CDS2: variants seen among roughly 807,000 people sequenced by gnomAD.
CDS2 encodes the protein CDP-diacylglycerol synthase 2.
In CDS2, 47 loss-of-function variants were observed where a neutral mutation model predicts 59.0. The ratio of observed to expected loss-of-function variants is 0.80; its 90% CI spans 0.63 to 1.02. CDS2 has a LOEUF of 1.02. Among genes scored for constraint, CDS2 ranks in the 50% least tolerant of loss-of-function variants. CDS2 has a pLI of 0.00. For synonymous variants in CDS2, 207 were observed against 206.4 expected, an observed-to-expected ratio of 1.00 and a Z score of -0.02; for missense variants, 356 against 558.9, an observed-to-expected ratio of 0.64 and a Z score of 3.66.
chr20:5,191,341 T>A lies in CDS2; in HGVS notation c.*1107T>A, dbSNP rs1189647882. ...GAAGATTAAATGCACACTTTTTATATAATGTGACCAGTTTAAATGTAGTTT... is the reference window on the plus strand; with the variant it reads ...GAAGATTAAATGCACACTTTTTATAAAATGTGACCAGTTTAAATGTAGTTT... On this transcript the variant is annotated 3_prime_UTR_variant, in exon 13 of 13. Coordinates refer to ENST00000460006, the MANE Select transcript of CDS2 (RefSeq NM_003818.4). 6.6e-6 allele frequency: 1 copy of A among 152,222 alleles called. No homozygotes were observed. Among genetic ancestry groups the A allele is most frequent in the East Asian group, 1.9e-4 (1 of 5,200 alleles). The allele number at this position is 152,222 out of a possible 1,614,324, so 9.4% of individuals were successfully genotyped here. A position where few individuals can be genotyped will look rare whatever the true frequency, so the allele number is the denominator to read the frequency against.
intron 1 of CDS2, among the ~76,000 whole-genome samples, chr20:5,160,234 GTCTTT>G: frequency 6.6e-6 from 1 of 152,190 alleles, no homozygotes. Flanking sequence ...CTTTGCTTAG[GTCTTT>G]TCTTAGCCCT....
chr20:5,155,480 T>TA (rs1032315793), intron 1 of CDS2, among the ~76,000 whole-genome samples: 8 of 152,146 alleles, frequency 5.3e-5, no homozygotes. Context: ...ATATAACTCA[T>TA]AAAAAATCAT....
At chr20:5,140,919 AGT>A (rs2090688364) in intron 1 of CDS2, among the ~76,000 whole-genome samples, 2 of 152,294 alleles carry the variant, frequency 1.3e-5, no homozygotes. Context: ...TTAGTAAATA[AGT>A]GTGTGTGTGT....
intron 1 of CDS2, chr20:5,128,024 A>G (rs2090570262): frequency 6.6e-6 from 1 of 152,278 alleles, no homozygotes; most frequent in African/African-American, 2.4e-5. Flanking sequence ...AGCCTGGACC[A>G]GACTGAGGGA....
intron 1 of CDS2, among the ~76,000 whole-genome samples, chr20:5,141,773 G>A (rs1343104774): frequency 6.6e-6 from 1 of 152,102 alleles, no homozygotes; most frequent in Non-Finnish European, 1.5e-5. Context: ...GCAAATAGTG[G>A]CTGAAGTGAA....
At chr20:5,136,927 A>G (rs1191205091) in intron 1 of CDS2, among the ~76,000 whole-genome samples, 2 of 151,904 alleles carry the variant, frequency 1.3e-5, no homozygotes, top group South Asian at 2.1e-4. Context: ...TAGTTTTTCA[A>G]TCCTCACCAG....
chr20:5,151,206 A>G (rs776117850), intron 1 of CDS2, among the ~76,000 whole-genome samples: 6 of 152,344 alleles, frequency 3.9e-5, no homozygotes, highest in African/African-American at 1.4e-4. Flanking sequence ...TTGACATATG[A>G]TATACTTAGT....
At chr20:5,156,397 A>G (rs2090834045) in intron 1 of CDS2, among the ~76,000 whole-genome samples, 2 of 152,124 alleles carry the variant, frequency 1.3e-5, no homozygotes, top group African/African-American at 4.8e-5. Flanking sequence ...AGTTGGAGGT[A>G]TCTTGTTGGC....
intron 8 of CDS2, among the ~76,000 whole-genome samples, chr20:5,185,319 G>A (rs914240486): frequency 6.6e-6 from 1 of 152,094 alleles, no homozygotes; most frequent in Non-Finnish European, 1.5e-5. Context: ...CAGCTCCTTG[G>A]GAGGCTGAGA....
chr20:5,193,167 T>C lies in CDS2; in HGVS notation c.*2933T>C, dbSNP rs2091131068. ...GTACCGAGTCTTTGCCTTTTGTGTG[T>C]GCGCATGCTGCCCTCTTAACTGCTT... On this transcript the variant is annotated 3_prime_UTR_variant, in exon 13 of 13. Transcript: ENST00000460006. The C allele has an allele frequency of 6.6e-6, 1 of 152,262 alleles. No homozygotes were observed. The allele number at this position is 152,262 out of a possible 1,614,324, so 9.4% of individuals were successfully genotyped here.
At chr20:5,169,277 A>G (rs1482623756) in intron 1 of CDS2, among the ~76,000 whole-genome samples, 1 of 152,174 alleles carries the variant, frequency 6.6e-6, no homozygotes, top group Non-Finnish European at 1.5e-5. Context: ...CTGGGTGGAT[A>G]TGAGTCAGAA....
chr20:5,154,413 A>T (rs1456258261), intron 1 of CDS2, among the ~76,000 whole-genome samples: 1 of 152,212 alleles, frequency 6.6e-6, no homozygotes, highest in Non-Finnish European at 1.5e-5. Flanking sequence ...AGTGTGTCCC[A>T]GGCTGTGTTG....
Position 5,196,906 on chromosome 20 carries a change from T to C in CDS2, c.*6672T>C, listed in dbSNP as rs985469203. The C allele has an allele frequency of 1.1e-4, 17 of 152,166 alleles. No individual in the cohort carries two copies. Among genetic ancestry groups the C allele is most frequent in the African/African-American group, 4.1e-4 (17 of 41,372 alleles). The allele number at this position is 152,166 out of a possible 1,614,324, so 9.4% of individuals were successfully genotyped here. A position where few individuals can be genotyped will look rare whatever the true frequency, so the allele number is the denominator to read the frequency against. On this transcript the variant is annotated 3_prime_UTR_variant, in exon 13 of 13. Transcript: ENST00000460006. ...CAAGTCAGGGATTAGGAGACAGCGG[T>C]TTGGTTTATTGTTATCCAGCTGGAG...
At chr20:5,160,247 CCTG>C (rs1275463285) in intron 1 of CDS2, among the ~76,000 whole-genome samples, 1 of 152,172 alleles carries the variant, frequency 6.6e-6, no homozygotes, top group Non-Finnish European at 1.5e-5. Context: ...TTTTCTTAGC[CCTG>C]CAACTACTTA....
At chr20:5,159,860 G>T (rs560939235) in intron 1 of CDS2, among the ~76,000 whole-genome samples, 1 of 152,118 alleles carries the variant, frequency 6.6e-6, no homozygotes, top group Non-Finnish European at 1.5e-5. Context: ...AAAAAATGGG[G>T]TTGTGCACCT....
chr20:5,163,898 C>G (rs1296651540), intron 1 of CDS2, among the ~76,000 whole-genome samples: 1 of 150,342 alleles, frequency 6.7e-6, no homozygotes, highest in Non-Finnish European at 1.5e-5. Context: ...TCAAGCAGTT[C>G]TCTTGCCTCA....
intron 1 of CDS2, among the ~76,000 whole-genome samples, chr20:5,134,970 G>A (rs989939902): frequency 6.6e-6 from 1 of 152,156 alleles, no homozygotes; most frequent in Non-Finnish European, 1.5e-5. Context: ...CTAATGTAAA[G>A]CATTTCTCCT....
chr20:5,129,207 C>G (rs1478476958), intron 1 of CDS2, among the ~76,000 whole-genome samples: 2 of 152,158 alleles, frequency 1.3e-5, no homozygotes, highest in South Asian at 2.1e-4. Flanking sequence ...TTACCGAGAA[C>G]AAGACAATCA....
chr20:5,160,266 TC>T (rs1246589726), intron 1 of CDS2, among the ~76,000 whole-genome samples: 3 of 152,166 alleles, frequency 2.0e-5, no homozygotes, highest in Non-Finnish European at 4.4e-5. Flanking sequence ...ACTTAACACT[TC>T]ATATGCTTGC....
Sources: allele counts gnomAD v4.1 joint callset (sites outside exome capture counted in the v4.1 genomes callset), GRCh38; gene constraint gnomAD v4.1.1; transcripts MANE v1.5; gene names NCBI Gene and HGNC (gene_info 2026-07-23, HGNC 2026-07-21).